NRP1: variants seen among roughly 807,000 people sequenced by gnomAD.
NRP1 encodes neuropilin 1, also known as neuropilin-1.
A neutral mutation model predicts 106.7 loss-of-function variants in NRP1; 35 were observed. The ratio of observed to expected loss-of-function variants is 0.33; its 90% CI spans 0.25 to 0.43. The LOEUF is 0.43. Ranked by LOEUF, NRP1 falls within the 20% of genes least tolerant of loss-of-function variation. The pLI is 1.00. For missense variants in NRP1, 1,024 were observed against 1,170.4 expected (o/e 0.87, Z 1.83); for synonymous variants, 437 against 417.9 (o/e 1.05, Z -0.56).
At chr10:33,246,088 C>T (rs1841399893) in intron 6 of NRP1, among the ~76,000 whole-genome samples, 1 of 150,224 alleles carries the variant, frequency 6.7e-6, no homozygotes, top group African/African-American at 2.4e-5. Flanking sequence ...ATTAATTAGT[C>T]AACTTGACCA....
intron 4 of NRP1, 83 bp downstream of exon 4, chr10:33,263,563 C>G: frequency 1.0e-6 from 1 of 964,324 alleles, no homozygotes; most frequent in Non-Finnish European, 1.6e-6. Context: ...TTTAATGATT[C>G]ATGTATCATG....
At position 33,239,098 on chromosome 10, in the gene NRP1, C is replaced by T. The variant is rs368682158; in HGVS notation, c.982-12809G>A. Among the ~76,000 whole-genome samples, 21 of 152,076 alleles carry T rather than the reference C, an allele frequency of 1.4e-4. 2 individuals carry two copies. Among genetic ancestry groups the T allele is most frequent in the Admixed American group, 7.2e-4 (11 of 15,282 alleles). ...TTGAGCTCAGGAGTTCAAGATCAGC[C>T]TGGGCAACCTGGTGAGACCCTGTCT... On this transcript the variant is annotated intron_variant, in intron 6 of 16. Coordinates refer to ENST00000374867, the MANE Select transcript of NRP1 (RefSeq NM_003873.7).
intron 9 of NRP1, among the ~76,000 whole-genome samples, chr10:33,209,189 G>A (rs1838076181): frequency 6.6e-6 from 1 of 152,132 alleles, no homozygotes; most frequent in African/African-American, 2.4e-5. Context: ...TTATAGGCGT[G>A]AACCCCCATG....
intron 4 of NRP1, among the ~76,000 whole-genome samples, chr10:33,261,396 A>C (rs541595098): frequency 6.6e-6 from 1 of 152,248 alleles, no homozygotes; most frequent in Non-Finnish European, 1.5e-5. Context: ...GGTTGTGAAC[A>C]AATAAATCCA....
At chr10:33,269,566 T>C (rs1285267343) in intron 3 of NRP1, among the ~76,000 whole-genome samples, 4 of 152,224 alleles carry the variant, frequency 2.6e-5, no homozygotes, top group African/African-American at 9.7e-5. Flanking sequence ...ATGGAGTGTA[T>C]ACCTTATAAC....
At chr10:33,297,686 C>CAAAAA (rs10711145) in intron 2 of NRP1, among the ~76,000 whole-genome samples, 1 of 95,986 alleles carries the variant, frequency 1.0e-5, no homozygotes, top group Non-Finnish European at 2.0e-5. Context: ...GACTTTGTCT[C>CAAAAA]AAAAAAAAAA....
At chr10:33,214,380 T>C (rs1217724499) in intron 8 of NRP1, among the ~76,000 whole-genome samples, 1 of 152,218 alleles carries the variant, frequency 6.6e-6, no homozygotes, top group Admixed American at 6.5e-5. Flanking sequence ...ATCTTTTCAC[T>C]GAACCCTGTC....
intron 12 of NRP1, chr10:33,195,561 T>C (rs1355115212): frequency 1.9e-6 from 1 of 533,428 alleles, no homozygotes; most frequent in African/African-American, 1.9e-5. Context: ...GTGATGATGC[T>C]TGAAGAATCT....
chr10:33,193,676 G>T (rs1286752360), intron 12 of NRP1, among the ~76,000 whole-genome samples: 2 of 152,194 alleles, frequency 1.3e-5, no homozygotes, highest in Non-Finnish European at 2.9e-5. Context: ...ATCTCATTTT[G>T]AGCTTCTTTA....
At chr10:33,329,300 G>A (rs1238088989) in intron 2 of NRP1, among the ~76,000 whole-genome samples, 2 of 152,178 alleles carry the variant, frequency 1.3e-5, no homozygotes, top group Non-Finnish European at 1.5e-5. Context: ...TTGTTGCACT[G>A]TAGTATACAC....
rs915924499 is a variant in NRP1 at position 33,310,837 on chromosome 10, T to C, written c.248+19871A>G. ...TTTAACATTTATTGGATAATTATTA[T>C]TTTTAGACCCCGGCTTGGGATGTGG... is the stretch of plus-strand genomic sequence containing the variant. On this transcript the variant is annotated intron_variant, in intron 2 of 16. Transcript: ENST00000374867. Among the ~76,000 whole-genome samples, 3 of 152,202 alleles carry C rather than the reference T, an allele frequency of 2.0e-5. No homozygotes were observed. The East Asian group carries it at 5.8e-4, about 29-fold the overall frequency.
chr10:33,311,884 C>T (rs1430720773), intron 2 of NRP1, among the ~76,000 whole-genome samples: 3 of 152,054 alleles, frequency 2.0e-5, no homozygotes, highest in Non-Finnish European at 2.9e-5. Flanking sequence ...CAGTTTAAGT[C>T]GCAAGGCCAG....
chr10:33,191,425 C>A (rs932481185), intron 13 of NRP1, among the ~76,000 whole-genome samples: 66 of 152,310 alleles, frequency 4.3e-4, no homozygotes, highest in African/African-American at 1.5e-3. Flanking sequence ...TCCACACCGT[C>A]TTTCCCCACC....
At chr10:33,319,139 G>T (rs1847263586) in intron 2 of NRP1, among the ~76,000 whole-genome samples, 1 of 151,590 alleles carries the variant, frequency 6.6e-6, no homozygotes, top group South Asian at 2.1e-4. Flanking sequence ...CCAGTAGCTG[G>T]GACTACAGGC....
At chr10:33,304,802 T>C (rs574158142) in intron 2 of NRP1, among the ~76,000 whole-genome samples, 1 of 152,326 alleles carries the variant, frequency 6.6e-6, no homozygotes, top group East Asian at 1.9e-4. Context: ...GGCCACCCCT[T>C]GAAAGCTTCT....
At chr10:33,297,686 C>CAAAA (rs10711145) in intron 2 of NRP1, among the ~76,000 whole-genome samples, 2 of 95,974 alleles carry the variant, frequency 2.1e-5, no homozygotes, top group African/African-American at 8.6e-5. Flanking sequence ...GACTTTGTCT[C>CAAAA]AAAAAAAAAA....
chr10:33,330,624 T>G, intron 2 of NRP1, 84 bp downstream of exon 2: 2 of 1,205,338 alleles, frequency 1.7e-6, no homozygotes, highest in Non-Finnish European at 2.3e-6. Flanking sequence ...ATAATCTACA[T>G]TGTACACACC....
chr10:33,258,635 C>G (rs1430032730), intron 4 of NRP1, among the ~76,000 whole-genome samples: 2 of 152,216 alleles, frequency 1.3e-5, no homozygotes, highest in Admixed American at 1.3e-4. Flanking sequence ...GAAACTCTTG[C>G]TGTTTTTTGT....
Position 33,254,125 on chromosome 10 carries a change from G to C in NRP1, c.884C>G (p.Ser295Cys), listed in dbSNP as rs776208797. 1 of 1,614,020 alleles carries C rather than the reference G, an allele frequency of 6.2e-7. No homozygotes were observed. The highest frequency in any genetic ancestry group is 1.1e-5 in the South Asian group (1 of 91,062). ...EIHSDQITAS[S>C]QYSTNWSAER... ...TGCAGACCAGTTGGTGCTATACTGG[G>C]AAGAAGCTGTGATCTGGTCAGAATG... is the stretch of plus-strand genomic sequence containing the variant. The change falls in exon 6 of 17, where the codon TCC (serine) becomes TGC (cysteine). Residue 295 changes from serine to cysteine, a missense_variant. Ser to Cys is a moderately radical substitution (Grantham distance 112, BLOSUM62 -1). Coordinates refer to ENST00000374867, the MANE Select transcript of NRP1 (RefSeq NM_003873.7).
Sources: allele counts gnomAD v4.1 joint callset (sites outside exome capture counted in the v4.1 genomes callset), GRCh38; gene constraint gnomAD v4.1.1; transcripts MANE v1.5; gene names NCBI Gene and HGNC (gene_info 2026-07-23, HGNC 2026-07-21).